Variants in FAF1 observed in about 807,000 individuals in gnomAD.
The protein encoded by FAF1 is Fas associated factor 1.
In FAF1, 25 loss-of-function variants were observed where a neutral mutation model predicts 92.5. The ratio of observed to expected loss-of-function variants is 0.27; its 90% CI spans 0.20 to 0.38. The LOEUF (loss-of-function observed/expected upper bound fraction) is 0.38. Among genes scored for constraint, FAF1 ranks in the 10% least tolerant of loss-of-function variants. FAF1 has a pLI of 1.00. For synonymous variants in FAF1, 234 were observed against 273.2 expected (o/e 0.86, Z 1.42); for missense variants, 636 against 793.3 (o/e 0.80, Z 2.38).
intron 2 of FAF1, among the ~76,000 whole-genome samples, chr1:50,839,962 T>C (rs1273200624): frequency 6.6e-6 from 1 of 152,014 alleles, no homozygotes; most frequent in Non-Finnish European, 1.5e-5. Flanking sequence ...TAAATCTAAC[T>C]GATGTTCAAT....
chr1:50,487,337 C>T (rs1369601978), intron 17 of FAF1, among the ~76,000 whole-genome samples: 1 of 152,208 alleles, frequency 6.6e-6, no homozygotes, highest in Non-Finnish European at 1.5e-5. Flanking sequence ...ATGTACAGCA[C>T]CCTATCACAT....
intron 1 of FAF1, among the ~76,000 whole-genome samples, chr1:50,924,151 C>CT (rs1375221858): frequency 6.6e-6 from 1 of 151,980 alleles, no homozygotes; most frequent in Non-Finnish European, 1.5e-5. Flanking sequence ...ACGACATGAT[C>CT]TTACATATAG....
intron 4 of FAF1, among the ~76,000 whole-genome samples, chr1:50,749,525 C>T (rs1287930597): frequency 6.6e-6 from 1 of 152,134 alleles, no homozygotes; most frequent in Non-Finnish European, 1.5e-5. Flanking sequence ...GTGGCTCATG[C>T]CTATAATCCC....
chr1:50,766,560 G>A (rs1402783239), intron 4 of FAF1, among the ~76,000 whole-genome samples: 1 of 151,924 alleles, frequency 6.6e-6, no homozygotes, highest in East Asian at 1.9e-4. Flanking sequence ...ATTCTAAGCA[G>A]ATCTTTGGAG....
At chr1:50,684,869 A>G (rs185208024) in intron 7 of FAF1, among the ~76,000 whole-genome samples, 2 of 152,366 alleles carry the variant, frequency 1.3e-5, no homozygotes, top group East Asian at 3.8e-4. Flanking sequence ...TATAGAGAAT[A>G]TAAACATCAG....
intron 15 of FAF1, among the ~76,000 whole-genome samples, chr1:50,523,401 T>G (rs549962655): frequency 2.6e-5 from 4 of 152,306 alleles, no homozygotes; most frequent in South Asian, 2.1e-4. Flanking sequence ...GGGTTCTAAA[T>G]TTGTGTCTAC....
intron 6 of FAF1, among the ~76,000 whole-genome samples, chr1:50,722,386 C>A (rs1283434352): frequency 6.6e-6 from 1 of 152,148 alleles, no homozygotes; most frequent in African/African-American, 2.4e-5. Context: ...CGGTGGCTCA[C>A]GCCTGTAATC....
intron 12 of FAF1, among the ~76,000 whole-genome samples, chr1:50,568,238 C>T (rs768109972): frequency 2.0e-4 from 30 of 152,022 alleles, no homozygotes; most frequent in Non-Finnish European, 3.1e-4. Context: ...AACATACAAA[C>T]CAATCTTTGA....
chr1:50,877,916 G>T (rs562867769), intron 1 of FAF1, among the ~76,000 whole-genome samples: 9 of 152,072 alleles, frequency 5.9e-5, no homozygotes, highest in Non-Finnish European at 1.3e-4. Flanking sequence ...TGCTGAAATG[G>T]CCTTCTATAA....
chr1:50,851,573 C>T lies in FAF1; in HGVS notation c.114+6356G>A, dbSNP rs571156353. Among the ~76,000 whole-genome samples, 3 of 152,272 alleles carry T rather than the reference C, an allele frequency of 2.0e-5. No homozygotes were observed. The East Asian group carries it at 5.8e-4, about 29-fold the overall frequency. On this transcript the variant is annotated intron_variant, in intron 2 of 18. Coordinates refer to ENST00000396153, the MANE Select transcript of FAF1 (RefSeq NM_007051.3). Reference sequence around the variant, plus strand: ...ATCAAAAAACAGTACATATTAGCCACATTTCCAAATTGCATTCAACCATGG... The same window carrying T: ...ATCAAAAAACAGTACATATTAGCCATATTTCCAAATTGCATTCAACCATGG...
In FAF1 at chr1:50,927,217, G is replaced by GT. The variant is rs561232024; in HGVS notation, c.45+32549dup. 2.1e-3 allele frequency among the ~76,000 whole-genome samples: 317 copies of GT among 152,296 alleles called. 1 individual carries two copies. The highest frequency in any genetic ancestry group is 3.6e-3 in the Admixed American group (55 of 15,304). On this transcript the variant is annotated intron_variant, in intron 1 of 18. Coordinates refer to ENST00000396153, the MANE Select transcript of FAF1 (RefSeq NM_007051.3). ...TGAGGGTACTTAATACCACTGAACT[G>GT]TATGTTTAAAATGGCAAAAAGGGTA...
chr1:50,778,974 A>G (rs1343478480), intron 4 of FAF1, among the ~76,000 whole-genome samples: 1 of 152,178 alleles, frequency 6.6e-6, no homozygotes, highest in Non-Finnish European at 1.5e-5. Flanking sequence ...GTTGGAGTCA[A>G]TTCTCTCAAA....
At chr1:50,477,233 T>C (rs1646649893) in intron 17 of FAF1, among the ~76,000 whole-genome samples, 1 of 152,206 alleles carries the variant, frequency 6.6e-6, no homozygotes, top group Admixed American at 6.5e-5. Context: ...CTGGAGGCAC[T>C]GAATAACCAC....
intron 4 of FAF1, among the ~76,000 whole-genome samples, chr1:50,762,938 C>T (rs1053718832): frequency 6.6e-6 from 1 of 152,144 alleles, no homozygotes; most frequent in African/African-American, 2.4e-5. Flanking sequence ...ACAACCTACT[C>T]ATCTGATAAA....
chr1:50,512,868 C>T (rs1647155023), intron 15 of FAF1, among the ~76,000 whole-genome samples: 1 of 152,112 alleles, frequency 6.6e-6, no homozygotes, highest in South Asian at 2.1e-4. Flanking sequence ...TATTCATGAG[C>T]AAGGTTTCTC....
At chr1:50,580,414 C>A (rs1650936737) in intron 12 of FAF1, among the ~76,000 whole-genome samples, 1 of 151,808 alleles carries the variant, frequency 6.6e-6, no homozygotes, top group African/African-American at 2.4e-5. Flanking sequence ...AGCCTTAAAA[C>A]TCCATTAAGA....
chr1:50,485,131 A>T (rs111562429), intron 17 of FAF1, among the ~76,000 whole-genome samples: 2,240 of 151,256 alleles, frequency 0.015, 44 homozygotes, highest in African/African-American at 0.049. Context: ...TATTATTATT[A>T]TTTTTTTTAA....
At chr1:50,724,258 A>G (rs1376091789) in intron 6 of FAF1, among the ~76,000 whole-genome samples, 1 of 136,674 alleles carries the variant, frequency 7.3e-6, no homozygotes, top group Non-Finnish European at 1.5e-5. Context: ...AAAAAAAACA[A>G]CCATATATAT....
intron 2 of FAF1, among the ~76,000 whole-genome samples, chr1:50,854,559 T>C (rs1314493903): frequency 2.0e-5 from 3 of 151,920 alleles, no homozygotes; most frequent in Admixed American, 6.6e-5. Context: ...TTTCAGAATT[T>C]TGACATATAT....
Sources: gnomAD v4.1 joint callset for allele counts (sites outside exome capture counted in the v4.1 genomes callset) on GRCh38, gnomAD v4.1.1 for gene constraint, MANE v1.5 for transcripts, NCBI Gene and HGNC (gene_info 2026-07-23, HGNC 2026-07-21) for gene names.